VPS9D1: variants seen among roughly 807,000 people sequenced by gnomAD.
VPS9D1 encodes VPS9 domain-containing protein 1.
VPS9D1 carries 78 observed loss-of-function variants against 75.8 expected under a neutral mutation model. That is an observed-to-expected ratio of 1.03 (90% CI 0.86 to 1.24). VPS9D1 has a LOEUF of 1.24. Ranked by LOEUF, VPS9D1 falls within the 50% of genes most tolerant of loss-of-function variation. The probability of loss-of-function intolerance (pLI) is 0.00; values close to 1 mark genes in which losing one functional copy is unlikely to be tolerated. For synonymous variants in VPS9D1, 481 were observed against 385.6 expected (o/e 1.25, Z -2.90); for missense variants, 1,057 against 847.7 (o/e 1.25, Z -3.07).
rs368390300 is a variant in VPS9D1, at chr16:89,709,373, G to T, written c.1451C>A (p.Pro484His). 2 of 1,568,080 alleles carry T rather than the reference G, an allele frequency of 1.3e-6. No homozygotes were observed. The highest frequency in any genetic ancestry group is 1.7e-6 in the Non-Finnish European group (2 of 1,161,406). Residue 484 changes from proline to histidine, a missense_variant, in exon 12 of 15, where the codon CCC becomes CAC. Physicochemically the swap from Pro to His is moderately conservative, Grantham distance 77. Coordinates refer to ENST00000389386, the MANE Select transcript of VPS9D1 (RefSeq NM_004913.3). Reference protein sequence around the residue: ...SRSMELYRNAPPTAIGIPTKL... With the variant: ...SRSMELYRNAHPTAIGIPTKL... ...GGTGGGGATGCCAATGGCGGTGGGG[G>T]GTGCATTCCTGTAGAGCTCCATGCT...
chr16:89,716,966 C>A, intron 2 of VPS9D1, 144 bp from the exon 3 acceptor site: 1 of 679,618 alleles, frequency 1.5e-6, no homozygotes, highest in East Asian at 3.3e-5. Context: ...CACTGCCCCC[C>A]CATCCCCTCA....
intron 2 of VPS9D1, among the ~76,000 whole-genome samples, chr16:89,718,532 A>C (rs1355760099): frequency 2.0e-5 from 3 of 151,792 alleles, no homozygotes; most frequent in Non-Finnish European, 4.4e-5. Context: ...CTTATCCACA[A>C]CGCTGGTCCC....
intron 4 of VPS9D1, among the ~76,000 whole-genome samples, 183 bp downstream of exon 4, chr16:89,716,279 T>C (rs918493848): frequency 2.6e-5 from 4 of 151,848 alleles, no homozygotes; most frequent in Admixed American, 6.6e-5. Context: ...GGCAGAAGAA[T>C]GGTGTGAACC....
chr16:89,709,432 G>A lies in VPS9D1; in HGVS notation c.1392C>T (p.Ser464=), dbSNP rs751640470. 3.3e-6 allele frequency: 5 copies of A among 1,507,902 alleles called. No homozygotes were observed. The highest frequency in any genetic ancestry group is 2.7e-5 in the South Asian group (2 of 75,286). 93.4% of individuals were successfully genotyped at this position (1,507,902 alleles called of 1,614,324 possible). A position where few individuals can be genotyped will look rare whatever the true frequency, so the allele number is the denominator to read the frequency against. Reference sequence around the variant, plus strand: ...GGGCAGCCTCCCGGGCTCGGTGCACGCTCCTGGGGCAGAGAGAGGCCAGGC... The same window carrying A: ...GGGCAGCCTCCCGGGCTCGGTGCACACTCCTGGGGCAGAGAGAGGCCAGGC... ...LWPLLLALYR[S]VHRAREAALS... The change falls in exon 12 of 15, where the codon AGC becomes AGT. Residue 464 remains serine, a synonymous_variant. Coordinates refer to ENST00000389386, the MANE Select transcript of VPS9D1 (RefSeq NM_004913.3).
intron 2 of VPS9D1, chr16:89,717,283 C>T (rs987955865): frequency 6.2e-6 from 2 of 323,512 alleles, no homozygotes; most frequent in Non-Finnish European, 1.2e-5. Context: ...CATCGAGGCC[C>T]GTCACAGCCT....
At chr16:89,719,805 G>C (rs769659654) in intron 1 of VPS9D1, among the ~76,000 whole-genome samples, 1 of 152,090 alleles carries the variant, frequency 6.6e-6, no homozygotes, top group Non-Finnish European at 1.5e-5. Context: ...TGCAACCTCC[G>C]CCTCCTGGGT....
chr16:89,711,741 T>A, intron 8 of VPS9D1, 141 bp downstream of exon 8: 5 of 907,582 alleles, frequency 5.5e-6, no homozygotes, highest in Non-Finnish European at 7.8e-6. Flanking sequence ...CACCGGGCCC[T>A]CCCACGGGCC....
Position 89,716,535 on chromosome 16 carries a change from C to T in VPS9D1, c.358G>A (p.Gly120Arg). 2.5e-6 allele frequency: 4 copies of T among 1,614,152 alleles called. No individual in the cohort carries two copies. The highest frequency in any genetic ancestry group is 3.4e-6 in the Non-Finnish European group (4 of 1,180,030). ...RHRRVYSDEGGKLSPFLPPEI... is the reference protein window; with the variant it reads ...RHRRVYSDEGRKLSPFLPPEI... ...GGTGGCAGAAAAGGAGAGAGCTTTC[C>T]TCCTTCATCGGAGTATACACGGCGG... Residue 120 changes from glycine (G) to arginine (R), a missense_variant, in exon 4 of 15, where the codon GGA becomes AGA. Physicochemically the swap from Gly to Arg is moderately radical, Grantham distance 125. Coordinates refer to ENST00000389386, the MANE Select transcript of VPS9D1 (RefSeq NM_004913.3).
At chr16:89,715,416 T>TG (rs1342288205) in intron 4 of VPS9D1, among the ~76,000 whole-genome samples, 2 of 151,054 alleles carry the variant, frequency 1.3e-5, no homozygotes, top group Non-Finnish European at 3.0e-5. Flanking sequence ...TTAGTAGAGA[T>TG]GGGGTTTCAC....
intron 13 of VPS9D1, 114 bp downstream of exon 13, chr16:89,708,743 C>G: frequency 8.0e-7 from 1 of 1,249,722 alleles, no homozygotes; most frequent in Non-Finnish European, 1.1e-6. Flanking sequence ...CCTCCTGCTT[C>G]TACAGTGCAG....
intron 12 of VPS9D1, 40 bp downstream of exon 12, chr16:89,709,187 T>G (rs1326668781): frequency 6.2e-7 from 1 of 1,603,088 alleles, no homozygotes; most frequent in Non-Finnish European, 8.5e-7. Context: ...CCTACTGGGA[T>G]GGGAGCCTGT....
chr16:89,716,405 C>T, intron 4 of VPS9D1, 57 bp downstream of exon 4: 1 of 1,603,648 alleles, frequency 6.2e-7, no homozygotes, highest in East Asian at 2.2e-5. Context: ...GCTCATCTTT[C>T]TCAGCCTCAA....
intron 1 of VPS9D1, chr16:89,719,409 A>G: frequency 1.9e-6 from 1 of 516,998 alleles, no homozygotes; most frequent in Non-Finnish European, 3.7e-6. Flanking sequence ...ACAGGAACTG[A>G]TATTCTCATT....
Position 89,708,869 on chromosome 16 carries a change from G to C in VPS9D1, c.1685C>G (p.Ala562Gly). The C allele has an allele frequency of 6.3e-7, 1 of 1,582,284 alleles. No homozygotes were observed. Among genetic ancestry groups the C allele is most frequent in the Non-Finnish European group, 8.5e-7 (1 of 1,171,330 alleles). ...TCCTGGGACTCACATGGCAGCTGCA[G>C]CGATGGGCGGGGGCCCGGCCTGGGG... is the stretch of plus-strand genomic sequence containing the variant. ...ATPQAGPPPI[A>G]AAAIGADDLL... Residue 562 changes from alanine to glycine, a missense_variant, in exon 13 of 15, where the codon GCT becomes GGT. Coordinates refer to ENST00000389386, the MANE Select transcript of VPS9D1 (RefSeq NM_004913.3).
At chr16:89,711,665 C>G (rs1283922429) in intron 8 of VPS9D1, 1 of 682,308 alleles carries the variant, frequency 1.5e-6, no homozygotes, top group Non-Finnish European at 2.4e-6. Flanking sequence ...CTGGGACCCT[C>G]CCACGCGACC....
chr16:89,712,314 A>G (rs935291565), intron 6 of VPS9D1, 146 bp downstream of exon 6: 41 of 1,365,892 alleles, frequency 3.0e-5, no homozygotes, highest in Non-Finnish European at 4.1e-5. Context: ...TTCCCCTGAG[A>G]CCCTGCCTCT....
intron 1 of VPS9D1, 58 bp downstream of exon 1, chr16:89,720,705 C>G (rs2061238769): frequency 3.7e-6 from 5 of 1,338,328 alleles, no homozygotes; most frequent in South Asian, 1.9e-5. Context: ...CCTCCCCGGG[C>G]GGGGGTCCCT....
chr16:89,717,642 G>T (rs533342503), intron 2 of VPS9D1: 1 of 449,862 alleles, frequency 2.2e-6, no homozygotes, highest in Admixed American at 2.4e-5. Context: ...GACTCCCCCC[G>T]GAAACTGCCC....
Position 89,712,612 on chromosome 16 carries a change from G to C in VPS9D1, c.536C>G (p.Thr179Arg). The C allele has an allele frequency of 1.2e-6, 2 of 1,609,608 alleles. No individual in the cohort carries two copies. Among genetic ancestry groups the C allele is most frequent in the East Asian group, 2.2e-5 (1 of 44,796 alleles). Residue 179 changes from threonine (T) to arginine (R), a missense_variant, in exon 5 of 15, where the codon ACA (threonine) becomes AGA (arginine). Coordinates refer to ENST00000389386, the MANE Select transcript of VPS9D1 (RefSeq NM_004913.3). ...TCCCTAGCCCCCACTCACCAGGGAT[G>C]TCTTCTGCATGGCCTGGCTGGGGTC... ...RLDPSQAMQKTSLTLSLQRQM... is the reference protein window; with the variant it reads ...RLDPSQAMQKRSLTLSLQRQM...
Sources: gnomAD v4.1 joint callset for allele counts (sites outside exome capture counted in the v4.1 genomes callset) on GRCh38, gnomAD v4.1.1 for gene constraint, MANE v1.5 for transcripts, NCBI Gene and HGNC (gene_info 2026-07-23, HGNC 2026-07-21) for gene names.